The following BPTF variants were observed in gnomAD, a reference collection of about 807,000 sequenced individuals.
The protein encoded by BPTF is bromodomain PHD finger transcription factor, also known as nucleosome-remodeling factor subunit BPTF.
A neutral mutation model predicts 292.5 loss-of-function variants in BPTF; 18 were observed. The observed-to-expected ratio is 0.06, with a 90% CI of 0.04 to 0.09. The LOEUF (loss-of-function observed/expected upper bound fraction) is 0.09, where lower values mean the gene tolerates loss of function less well. Ranked by LOEUF, BPTF falls within the 10% of genes least tolerant of loss-of-function variation. The pLI is 1.00. For missense variants in BPTF, 2,726 were observed against 3,498.7 expected (o/e 0.78, Z 5.57); for synonymous variants, 1,225 against 1,251.9 (o/e 0.98, Z 0.45).
intron 1 of BPTF, among the ~76,000 whole-genome samples, chr17:67,831,960 C>T (rs1418522604): frequency 6.6e-6 from 1 of 152,086 alleles, no homozygotes; most frequent in African/African-American, 2.4e-5. Context: ...GGCATAATCT[C>T]GGTTCACTGC....
At chr17:67,886,393 T>A in intron 4 of BPTF, 1 of 1,021,648 alleles carries the variant, frequency 9.8e-7, no homozygotes, top group Non-Finnish European at 1.3e-6. Context: ...GTGTGTGTGG[T>A]TTTTTGCTTT....
rs1244163830 is a variant in BPTF at position 67,911,100 on chromosome 17, A to T, written c.3216A>T (p.Thr1072=). 1 of 1,614,088 alleles carries T rather than the reference A, an allele frequency of 6.2e-7. No homozygotes were observed. Among genetic ancestry groups the T allele is most frequent in the Admixed American group, 1.7e-5 (1 of 60,020 alleles). ...TTGAAAGGAGAATTAAACAGTTTAC[A>T]CTGGAAGAAAAACAGCGACTCGAAA... is the stretch of plus-strand genomic sequence containing the variant. ...GLLERRIKQF[T]LEEKQRLEKI... The change falls in exon 11 of 28, where the codon ACA becomes ACT. Residue 1072 remains threonine, a synonymous_variant. Transcript: ENST00000306378.
chr17:67,829,434 A>C (rs1484889898), intron 1 of BPTF, among the ~76,000 whole-genome samples: 4 of 151,316 alleles, frequency 2.6e-5, no homozygotes, highest in Non-Finnish European at 4.4e-5. Flanking sequence ...GGCTTGCTGC[A>C]CTTACCGACC....
chr17:67,929,858 G>A (rs2064214221), intron 17 of BPTF, among the ~76,000 whole-genome samples: 1 of 152,216 alleles, frequency 6.6e-6, no homozygotes, highest in Non-Finnish European at 1.5e-5. Flanking sequence ...GCTCACGCCT[G>A]TAATCCGAAC....
At chr17:67,856,282 AAG>A (rs1363569063) in intron 2 of BPTF, among the ~76,000 whole-genome samples, 4 of 151,918 alleles carry the variant, frequency 2.6e-5, no homozygotes, top group African/African-American at 9.7e-5. Context: ...TTTATTATCT[AAG>A]AGCTCTTTTG....
intron 1 of BPTF, among the ~76,000 whole-genome samples, chr17:67,831,312 A>G (rs1037524807): frequency 2.1e-4 from 32 of 152,150 alleles, no homozygotes; most frequent in African/African-American, 7.7e-4. Context: ...TCAAGATTAT[A>G]AGGGAAATTA....
chr17:67,973,730 C>T (rs899181312), intron 26 of BPTF, among the ~76,000 whole-genome samples: 2 of 151,910 alleles, frequency 1.3e-5, no homozygotes, highest in African/African-American at 4.8e-5. Context: ...GGTCTCGGAA[C>T]TCATGACCTT....
intron 21 of BPTF, 82 bp from the exon 22 acceptor site, chr17:67,947,644 C>T: frequency 9.6e-7 from 1 of 1,042,232 alleles, no homozygotes; most frequent in Middle Eastern, 2.5e-4. Context: ...CACATATGTG[C>T]TCAAATTTCT....
chr17:67,919,318 T>C (rs1405535208), intron 12 of BPTF, among the ~76,000 whole-genome samples: 1 of 151,982 alleles, frequency 6.6e-6, no homozygotes, highest in East Asian at 1.9e-4. Context: ...GGAGGATCAC[T>C]TGAGGCCAGG....
intron 2 of BPTF, among the ~76,000 whole-genome samples, chr17:67,862,933 C>T (rs2059172014): frequency 6.6e-6 from 1 of 150,626 alleles, no homozygotes; most frequent in South Asian, 2.1e-4. Flanking sequence ...TTTTTTCTAT[C>T]AAGCACCTAA....
chr17:67,880,957 A>ACG (rs2060361313), intron 4 of BPTF, among the ~76,000 whole-genome samples: 1 of 97,962 alleles, frequency 1.0e-5, no homozygotes, highest in African/African-American at 2.6e-5. Flanking sequence ...TTATATATAT[A>ACG]TACACACACA....
chr17:67,865,949 A>G (rs1306119004), intron 2 of BPTF, among the ~76,000 whole-genome samples: 2 of 152,110 alleles, frequency 1.3e-5, no homozygotes, highest in Admixed American at 1.3e-4. Flanking sequence ...TGTTAGAAAT[A>G]TTTCTAAACT....
chr17:67,937,381 C>CAA (rs58944920), intron 18 of BPTF, among the ~76,000 whole-genome samples: 1 of 123,820 alleles, frequency 8.1e-6, no homozygotes, highest in Non-Finnish European at 1.8e-5. Flanking sequence ...CGGACTTTGT[C>CAA]AAAAAAAAAA....
At chr17:67,943,432 T>G (rs1568133931) in intron 19 of BPTF, among the ~76,000 whole-genome samples, 1 of 152,136 alleles carries the variant, frequency 6.6e-6, no homozygotes, top group Admixed American at 6.6e-5. Context: ...CTAGTTGAAT[T>G]ACAGTTCTGG....
At chr17:67,921,231 A>G (rs1227533285) in intron 13 of BPTF, among the ~76,000 whole-genome samples, 2 of 150,542 alleles carry the variant, frequency 1.3e-5, no homozygotes, top group Admixed American at 6.7e-5. Context: ...AAAAAAAAAA[A>G]AAAAGAAATA....
In BPTF at chr17:67,912,587, C is replaced by T. The variant is rs773909598; in HGVS notation, c.4703C>T (p.Pro1568Leu). ...SNDFIDENGL[P>L]INKNENVNGE... ...GACTTTATTGATGAAAATGGTCTGCCCATCAACAAAAATGAAAATGTCAAT... is the reference window on the plus strand; with the variant it reads ...GACTTTATTGATGAAAATGGTCTGCTCATCAACAAAAATGAAAATGTCAAT... Residue 1568 changes from proline (P) to leucine (L), a missense_variant, in exon 11 of 28, where the codon CCC (proline) becomes CTC (leucine). By Grantham distance (98) the Pro-to-Leu change is moderately conservative (BLOSUM62 -3). Coordinates refer to ENST00000306378, the MANE Select transcript of BPTF (RefSeq NM_182641.4). The T allele has an allele frequency of 8.1e-6, 13 of 1,612,776 alleles. No individual in the cohort carries two copies. The African/African-American group carries it at 9.4e-5, about 12-fold the overall frequency.
rs782760453 is a variant in BPTF, at chr17:67,967,390, C to T, written c.8539+734C>T. On this transcript the variant is annotated intron_variant, in intron 26 of 27. Transcript: ENST00000306378. The stretch of plus-strand genomic sequence containing the variant: ...CTCCTGACCTTGTGATCCGCTCCCC[C>T]TCGGCCTCCCCAAAGTGCTGGGATT... Among the ~76,000 whole-genome samples the T allele has an allele frequency of 2.4e-4, 36 of 151,810 alleles. No individual in the cohort carries two copies. In the Middle Eastern group the frequency reaches 0.017, roughly 72 times the overall value.
Position 67,903,870 on chromosome 17 carries a change from G to A in BPTF, c.2625G>A (p.Thr875=), listed in dbSNP as rs1304493654. Residue 875 remains threonine, a synonymous_variant, in exon 8 of 28, where the codon ACG becomes ACA. Coordinates refer to ENST00000306378, the MANE Select transcript of BPTF (RefSeq NM_182641.4). ...KKEKKQEEEE[T]MQQATWVKYT... is the part of the protein sequence containing the mutation. Reference sequence around the variant, plus strand: ...AGAAGAAACAGGAAGAAGAAGAAACGATGCAGCAAGCGACATGGGTAAAAT... The same window carrying A: ...AGAAGAAACAGGAAGAAGAAGAAACAATGCAGCAAGCGACATGGGTAAAAT... The A allele has an allele frequency of 1.9e-6, 3 of 1,591,842 alleles. No homozygotes were observed. Among genetic ancestry groups the A allele is most frequent in the Admixed American group, 1.9e-5 (1 of 53,434 alleles).
At chr17:67,856,205 T>A (rs1347562662) in intron 2 of BPTF, among the ~76,000 whole-genome samples, 1 of 152,208 alleles carries the variant, frequency 6.6e-6, no homozygotes, top group Non-Finnish European at 1.5e-5. Context: ...TGTGTTCAGT[T>A]TTTTAAGATT....
Sources: gnomAD v4.1 joint callset for allele counts (sites outside exome capture counted in the v4.1 genomes callset) on GRCh38, gnomAD v4.1.1 for gene constraint, MANE v1.5 for transcripts, NCBI Gene and HGNC (gene_info 2026-07-23, HGNC 2026-07-21) for gene names.